Variants in PRKAR2B observed in about 807,000 individuals in gnomAD.
PRKAR2B encodes cAMP-dependent protein kinase type II-beta regulatory subunit.
PRKAR2B carries 14 observed loss-of-function variants against 49.9 expected under a neutral mutation model. The observed-to-expected ratio is 0.28, with a 90% confidence interval of 0.19 to 0.44. The LOEUF (loss-of-function observed/expected upper bound fraction) is 0.44, where lower values mean the gene tolerates loss of function less well. Among genes scored for constraint, PRKAR2B ranks in the 20% least tolerant of loss-of-function variants. The probability of loss-of-function intolerance (pLI) is 1.00; values close to 1 mark genes in which losing one functional copy is unlikely to be tolerated. For synonymous variants in PRKAR2B, 196 were observed against 197.7 expected, an observed-to-expected ratio of 0.99 and a Z score of 0.07; for missense variants, 393 against 537.9, an observed-to-expected ratio of 0.73 and a Z score of 2.67.
chr7:107,055,569 A>G (rs2116753215), intron 1 of PRKAR2B, among the ~76,000 whole-genome samples: 1 of 152,216 alleles, frequency 6.6e-6, no homozygotes, highest in South Asian at 2.1e-4. Context: ...GCCAGTGATG[A>G]TGAGCATTTT....
intron 2 of PRKAR2B, among the ~76,000 whole-genome samples, chr7:107,107,414 A>G (rs1271829657): frequency 6.6e-6 from 1 of 152,136 alleles, no homozygotes; most frequent in Non-Finnish European, 1.5e-5. Context: ...TGCTAAACTA[A>G]AGAAAATTAG....
At chr7:107,089,381 C>T (rs1794679068) in intron 2 of PRKAR2B, among the ~76,000 whole-genome samples, 1 of 152,162 alleles carries the variant, frequency 6.6e-6, no homozygotes. Context: ...ATACTCCTCC[C>T]ATAACAGATG....
intron 2 of PRKAR2B, among the ~76,000 whole-genome samples, chr7:107,116,718 T>C (rs941560515): frequency 2.6e-5 from 4 of 152,004 alleles, no homozygotes; most frequent in Admixed American, 2.0e-4. Flanking sequence ...CCAATGCCTT[T>C]GCTCTGTGAA....
chr7:107,053,197 A>G (rs1451828520), intron 1 of PRKAR2B, among the ~76,000 whole-genome samples: 1 of 152,192 alleles, frequency 6.6e-6, no homozygotes, highest in African/African-American at 2.4e-5. Context: ...AATTTATTTT[A>G]TTATATACCT....
chr7:107,119,415 A>G (rs1242008602), intron 2 of PRKAR2B, among the ~76,000 whole-genome samples: 2 of 152,148 alleles, frequency 1.3e-5, no homozygotes, highest in Non-Finnish European at 2.9e-5. Flanking sequence ...GATGGGGCCC[A>G]TATATGGTGG....
At chr7:107,120,164 G>A (rs933122433) in intron 2 of PRKAR2B, among the ~76,000 whole-genome samples, 2 of 152,116 alleles carry the variant, frequency 1.3e-5, no homozygotes, top group Admixed American at 1.3e-4. Context: ...TCTCAGCCTC[G>A]GTACTGTTGA....
At chr7:107,068,811 G>T (rs1461534780) in intron 1 of PRKAR2B, 1 of 152,142 alleles carries the variant, frequency 6.6e-6, no homozygotes, top group Non-Finnish European at 1.5e-5. Flanking sequence ...GCAGCGTTTT[G>T]ATGCAAGATA....
intron 2 of PRKAR2B, among the ~76,000 whole-genome samples, chr7:107,086,082 G>GT (rs1293071772): frequency 6.6e-6 from 1 of 152,148 alleles, no homozygotes; most frequent in African/African-American, 2.4e-5. Flanking sequence ...TGCTAGCTCA[G>GT]TTATATTTCA....
At chr7:107,045,317 C>G in intron 1 of PRKAR2B, 103 bp downstream of exon 1, 1 of 982,546 alleles carries the variant, frequency 1.0e-6, no homozygotes, top group South Asian at 1.8e-5. Flanking sequence ...CCCACCTCTC[C>G]CCGCATTCTC....
chr7:107,067,559 ATAAAT>A (rs936813150), intron 1 of PRKAR2B, among the ~76,000 whole-genome samples: 15 of 152,332 alleles, frequency 9.8e-5, no homozygotes, highest in Admixed American at 4.6e-4. Flanking sequence ...TCAAGGAGAA[ATAAAT>A]TAAAATAATT....
chr7:107,080,632 A>G (rs1487394139), intron 2 of PRKAR2B, among the ~76,000 whole-genome samples: 1 of 152,194 alleles, frequency 6.6e-6, no homozygotes, highest in Non-Finnish European at 1.5e-5. Context: ...AGTTGGATTG[A>G]TAGTTTTTAG....
chr7:107,144,140 A>G (rs982445201), intron 5 of PRKAR2B, among the ~76,000 whole-genome samples: 15 of 151,624 alleles, frequency 9.9e-5, no homozygotes, highest in Non-Finnish European at 2.2e-4. Flanking sequence ...GCTGGAGTGC[A>G]GTGGCGCAAT....
intron 2 of PRKAR2B, chr7:107,091,822 T>C (rs553009917): frequency 6.6e-6 from 1 of 152,330 alleles, no homozygotes; most frequent in South Asian, 2.1e-4. Flanking sequence ...TTTTGCCTCA[T>C]ATGTTGTTTA....
intron 1 of PRKAR2B, among the ~76,000 whole-genome samples, chr7:107,062,732 T>C (rs1017715727): frequency 6.6e-6 from 1 of 152,224 alleles, no homozygotes; most frequent in African/African-American, 2.4e-5. Context: ...ATGTGGACAC[T>C]CTTGAAATCT....
chr7:107,098,415 C>CT (rs1794889944), intron 2 of PRKAR2B, among the ~76,000 whole-genome samples: 1 of 152,148 alleles, frequency 6.6e-6, no homozygotes, highest in African/African-American at 2.4e-5. Flanking sequence ...TTTGTCTAAT[C>CT]TTTTTTGAAG....
chr7:107,132,782 G>T (rs1243994741), intron 4 of PRKAR2B, among the ~76,000 whole-genome samples: 1 of 152,106 alleles, frequency 6.6e-6, no homozygotes, highest in Non-Finnish European at 1.5e-5. Flanking sequence ...TATTTCATTT[G>T]AATTTCCCGA....
Position 107,082,477 on chromosome 7 carries a change from A to G in PRKAR2B, c.343+12161A>G, listed in dbSNP as rs79355909. On this transcript the variant is annotated intron_variant, in intron 2 of 10. Coordinates refer to ENST00000265717, the MANE Select transcript of PRKAR2B (RefSeq NM_002736.3). ...AAGCTCTTCTTAGAATAATGAAAAA[A>G]TTTGTAATTCAGAATTATATTTTAT... Among the ~76,000 whole-genome samples the G allele has an allele frequency of 8.5e-3, 1,293 of 152,310 alleles. 8 individuals carry two copies. Among genetic ancestry groups the G allele is most frequent in the Non-Finnish European group, 0.014 (947 of 68,018 alleles).
chr7:107,090,013 GT>G (rs1345318320), intron 2 of PRKAR2B, among the ~76,000 whole-genome samples: 1 of 152,144 alleles, frequency 6.6e-6, no homozygotes, highest in East Asian at 1.9e-4. Flanking sequence ...GGATTGTCTT[GT>G]TTTCCTTGTC....
intron 4 of PRKAR2B, among the ~76,000 whole-genome samples, chr7:107,139,313 A>C (rs1232205968): frequency 6.6e-6 from 1 of 152,214 alleles, no homozygotes; most frequent in East Asian, 1.9e-4. Flanking sequence ...GGAACCCCTA[A>C]GTCCTACCAA....
Sources: gnomAD v4.1 joint callset for allele counts (sites outside exome capture counted in the v4.1 genomes callset) on GRCh38, gnomAD v4.1.1 for gene constraint, MANE v1.5 for transcripts, NCBI Gene and HGNC (gene_info 2026-07-23, HGNC 2026-07-21) for gene names.